The following SEC14L1 variants were observed in gnomAD, a reference collection of about 807,000 sequenced individuals.
SEC14L1 encodes SEC14 like lipid binding 1.
Under a neutral mutation model 85.3 loss-of-function variants are expected in SEC14L1, and 48 were observed. That is an observed-to-expected ratio of 0.56 (90% CI 0.45 to 0.72). The LOEUF (loss-of-function observed/expected upper bound fraction) is 0.72, where lower values mean the gene tolerates loss of function less well. SEC14L1 is among the 30% of genes least tolerant of loss of function. The pLI, the probability that SEC14L1 is intolerant of heterozygous loss-of-function variation, is 0.00. For missense variants in SEC14L1, 682 were observed against 921.4 expected, an observed-to-expected ratio of 0.74 and a Z score of 3.36; for synonymous variants, 391 against 355.5, an observed-to-expected ratio of 1.10 and a Z score of -1.12.
At chr17:77,097,943 A>AACCAAATC (rs1971685433) in intron 3 of SEC14L1, among the ~76,000 whole-genome samples, 1 of 152,116 alleles carries the variant, frequency 6.6e-6, no homozygotes, top group Non-Finnish European at 1.5e-5. Context: ...GGTGGCCTTT[A>AACCAAATC]ACCAAATCCT....
intron 3 of SEC14L1, among the ~76,000 whole-genome samples, chr17:77,113,201 C>T (rs1225425616): frequency 6.6e-6 from 1 of 152,100 alleles, no homozygotes; most frequent in Admixed American, 6.6e-5. Context: ...ATGCTTTTTA[C>T]TAGGATTTTT....
chr17:77,098,272 G>T (rs1056505441), intron 3 of SEC14L1, among the ~76,000 whole-genome samples: 2 of 152,168 alleles, frequency 1.3e-5, no homozygotes, highest in Non-Finnish European at 2.9e-5. Flanking sequence ...GCCAAGGCAG[G>T]TGGATCACCT....
Position 77,190,803 on chromosome 17 carries a change from G to C in SEC14L1, c.64G>C (p.Ala22Pro), listed in dbSNP as rs1447477123. ...YKYPFELIMA[A>P]YERRFPTCPL... Reference sequence around the variant, plus strand: ...GCTTTCTTGGTTTTTAAATTTATAGGCCTATGAAAGGAGGTTCCCTACATG... The same window carrying C: ...GCTTTCTTGGTTTTTAAATTTATAGCCCTATGAAAGGAGGTTCCCTACATG... The change falls in exon 4 of 17, where the codon GCC becomes CCC. Residue 22 changes from alanine (A) to proline (P), a missense_variant and splice_region_variant. Ala to Pro is a conservative substitution (Grantham distance 27, BLOSUM62 -1). Around this residue, in one of 3 missense-constraint regions of SEC14L1, gnomAD observed 139 missense variants for 201.3 expected, o/e 0.69. Transcript: ENST00000436233. 2 of 1,614,016 alleles carry C rather than the reference G, an allele frequency of 1.2e-6. No individual in the cohort carries two copies. The highest frequency in any genetic ancestry group is 1.7e-6 in the Non-Finnish European group (2 of 1,180,000).
intron 3 of SEC14L1, among the ~76,000 whole-genome samples, chr17:77,102,129 T>C (rs1488931098): frequency 6.6e-6 from 1 of 152,230 alleles, no homozygotes. Flanking sequence ...ATTTTATGAT[T>C]GAATAAGCAT....
intron 3 of SEC14L1, among the ~76,000 whole-genome samples, chr17:77,167,539 G>T (rs976612346): frequency 6.6e-6 from 1 of 152,062 alleles, no homozygotes; most frequent in Non-Finnish European, 1.5e-5. Flanking sequence ...ATTTTTTAGA[G>T]CAATTACAGG....
chr17:77,123,973 A>T (rs1318741619), intron 3 of SEC14L1, among the ~76,000 whole-genome samples: 1 of 152,236 alleles, frequency 6.6e-6, no homozygotes, highest in Non-Finnish European at 1.5e-5. Flanking sequence ...TGTGTTTCGA[A>T]GCCCTGTTGA....
intron 3 of SEC14L1, among the ~76,000 whole-genome samples, chr17:77,132,231 T>G (rs1972634673): frequency 1.3e-5 from 2 of 150,924 alleles, no homozygotes; most frequent in African/African-American, 4.9e-5. Flanking sequence ...ATGGAATTTT[T>G]TTTTTTTTTT....
chr17:77,190,137 G>A (rs1041768966), intron 3 of SEC14L1, among the ~76,000 whole-genome samples: 1 of 151,954 alleles, frequency 6.6e-6, no homozygotes, highest in Non-Finnish European at 1.5e-5. Flanking sequence ...TTTTATACAA[G>A]GTGTGAGGTT....
chr17:77,160,975 A>G lies in SEC14L1; in HGVS notation c.63+17316A>G, dbSNP rs76256942. Among the ~76,000 whole-genome samples the G allele has an allele frequency of 1.6e-4, 25 of 152,344 alleles. No homozygotes were observed. In the East Asian group the frequency reaches 4.4e-3, roughly 27 times the overall value. On this transcript the variant is annotated intron_variant, in intron 3 of 16. Transcript: ENST00000436233. ...GCTGTACAAATAAAGATTTAAATAG[A>G]GTAAAACGATGGGAGTAGTGAGTCA... is the stretch of plus-strand genomic sequence containing the variant.
chr17:77,143,232 TA>T (rs1973138279), intron 2 of SEC14L1, among the ~76,000 whole-genome samples: 1 of 152,242 alleles, frequency 6.6e-6, no homozygotes, highest in African/African-American at 2.4e-5. Flanking sequence ...GTTATTAGAA[TA>T]ATAGAATCAT....
At chr17:77,158,815 T>A (rs1973923200) in intron 3 of SEC14L1, among the ~76,000 whole-genome samples, 1 of 117,298 alleles carries the variant, frequency 8.5e-6, no homozygotes, top group African/African-American at 3.3e-5. Context: ...TTTTTTTTTT[T>A]TTTTTTTTTT....
At chr17:77,122,680 C>T (rs1972330921) in intron 3 of SEC14L1, among the ~76,000 whole-genome samples, 1 of 152,208 alleles carries the variant, frequency 6.6e-6, no homozygotes, top group Non-Finnish European at 1.5e-5. Flanking sequence ...CTTGTAGCTG[C>T]CACGAACAGA....
rs531048348 is a variant in SEC14L1, at chr17:77,106,337, G to T, written c.-136+12990G>T. 5.3e-5 allele frequency among the ~76,000 whole-genome samples: 8 copies of T among 152,280 alleles called. No individual in the cohort carries two copies. The South Asian group carries it at 8.3e-4, about 16-fold the overall frequency. ...TCACAAGGTCAGGAGTTTGAGACCA[G>T]CCTGGCCAATATGGTGAAACCCCGT... On this transcript the variant is annotated intron_variant, in intron 3 of 19. Coordinates refer to the SEC14L1 transcript ENST00000392476.
At chr17:77,123,401 TCCCAGG>T (rs1972352630) in intron 3 of SEC14L1, among the ~76,000 whole-genome samples, 1 of 114,052 alleles carries the variant, frequency 8.8e-6, no homozygotes, top group Admixed American at 9.5e-5. Context: ...CTGAAGTGGG[TCCCAGG>T]CCCACTCTTT....
At chr17:77,165,430 G>A (rs1215971720) in intron 3 of SEC14L1, among the ~76,000 whole-genome samples, 1 of 152,022 alleles carries the variant, frequency 6.6e-6, no homozygotes, top group Non-Finnish European at 1.5e-5. Flanking sequence ...CCAGAAAGGC[G>A]GGACAACTCG....
At chr17:77,203,181 G>A (rs1312857289) in intron 9 of SEC14L1, among the ~76,000 whole-genome samples, 44 of 152,170 alleles carry the variant, frequency 2.9e-4, no homozygotes, top group South Asian at 2.1e-4. Context: ...TTCCCTTGCC[G>A]TTGAAAATCA....
At position 77,147,816 on chromosome 17, in the gene SEC14L1, A is replaced by G. The variant is rs1879712048; in HGVS notation, c.63+4157A>G. 3.3e-5 allele frequency among the ~76,000 whole-genome samples: 5 copies of G among 152,014 alleles called. No homozygotes were observed. In the South Asian group the frequency reaches 1.0e-3, roughly 32 times the overall value. ...CTGTGTTTTGACAAAGGTGTGGGGG[A>G]CTCATTTTTTAAATTGAGTTATAAT... On this transcript the variant is annotated intron_variant, in intron 3 of 16. Coordinates refer to ENST00000436233, the MANE Select transcript of SEC14L1 (RefSeq NM_001143998.2).
At chr17:77,106,231 A>G (rs1251125305) in intron 3 of SEC14L1, among the ~76,000 whole-genome samples, 1 of 152,034 alleles carries the variant, frequency 6.6e-6, no homozygotes, top group African/African-American at 2.4e-5. Context: ...GTCTTCTACA[A>G]ATAATTTCAA....
chr17:77,191,453 A>C, intron 5 of SEC14L1, 141 bp downstream of exon 5: 1 of 947,076 alleles, frequency 1.1e-6, no homozygotes, highest in South Asian at 1.5e-5. Flanking sequence ...TCTCATGTGT[A>C]GGAGGAAGGG....
Sources: gnomAD v4.1 joint callset for allele counts (sites outside exome capture counted in the v4.1 genomes callset) on GRCh38, gnomAD v4.1.1 for gene constraint, gnomAD v4.1.1 regional missense constraint, MANE v1.5 for transcripts, NCBI Gene and HGNC (gene_info 2026-07-23, HGNC 2026-07-21) for gene names.